Variants in DLGAP1 observed in about 807,000 individuals in gnomAD.
DLGAP1 encodes the protein DLG associated protein 1, also known as disks large-associated protein 1.
DLGAP1 carries 11 observed loss-of-function variants against 90.8 expected under a neutral mutation model. The ratio of observed to expected loss-of-function variants is 0.12; its 90% confidence interval spans 0.08 to 0.20. DLGAP1 has a LOEUF of 0.20. DLGAP1 is among the 10% of genes least tolerant of loss of function. DLGAP1 has a pLI of 1.00. For synonymous variants in DLGAP1, 558 were observed against 540.7 expected (o/e 1.03, Z -0.44); for missense variants, 1,050 against 1,333.8 (o/e 0.79, Z 3.31).
chr18:4,256,648 GT>G (rs148500834), intron 1 of DLGAP1, among the ~76,000 whole-genome samples: 16 of 151,686 alleles, frequency 1.1e-4, no homozygotes, highest in Non-Finnish European at 1.9e-4. Flanking sequence ...TGTTACATGA[GT>G]TTTTTTTAAT....
intron 1 of DLGAP1, among the ~76,000 whole-genome samples, chr18:4,218,826 TACACAC>T (rs58376566): frequency 0.018 from 2,593 of 145,816 alleles, 35 homozygotes; most frequent in Non-Finnish European, 0.025. Context: ...TATACATACA[TACACAC>T]ACACACACAC....
At chr18:4,329,180 T>C (rs969660620) in intron 1 of DLGAP1, among the ~76,000 whole-genome samples, 1 of 151,984 alleles carries the variant, frequency 6.6e-6, no homozygotes, top group Non-Finnish European at 1.5e-5. Context: ...CCAGTTTGAA[T>C]TGTTTTGTAT....
At chr18:4,229,276 C>T (rs781237362) in intron 1 of DLGAP1, among the ~76,000 whole-genome samples, 1 of 151,922 alleles carries the variant, frequency 6.6e-6, no homozygotes, top group Admixed American at 6.6e-5. Flanking sequence ...AGATGGAATA[C>T]AATCTCTATC....
At chr18:3,643,342 T>A (rs562072430) in intron 7 of DLGAP1, among the ~76,000 whole-genome samples, 4 of 152,114 alleles carry the variant, frequency 2.6e-5, no homozygotes, top group African/African-American at 9.6e-5. Context: ...AACAACTCAG[T>A]AAGAAAAAGA....
chr18:4,095,898 T>TAAA (rs1477075499), intron 2 of DLGAP1, among the ~76,000 whole-genome samples: 2 of 151,992 alleles, frequency 1.3e-5, no homozygotes, highest in East Asian at 3.9e-4. Context: ...AGGCGGAATC[T>TAAA]TCGAAGTGAT....
At chr18:3,890,658 AT>A (rs1489369204) in intron 3 of DLGAP1, among the ~76,000 whole-genome samples, 2 of 152,168 alleles carry the variant, frequency 1.3e-5, no homozygotes, top group East Asian at 1.9e-4. Flanking sequence ...TTTCTGAAAT[AT>A]TTTTTGCTGT....
chr18:3,621,810 TA>T (rs1341117520), intron 7 of DLGAP1, among the ~76,000 whole-genome samples: 2 of 152,018 alleles, frequency 1.3e-5, no homozygotes, highest in Non-Finnish European at 2.9e-5. Flanking sequence ...AAACTTAAAA[TA>T]AAAGAAATTA....
At chr18:4,169,729 A>G (rs1480434090) in intron 1 of DLGAP1, among the ~76,000 whole-genome samples, 5 of 152,244 alleles carry the variant, frequency 3.3e-5, no homozygotes, top group Admixed American at 6.5e-5. Flanking sequence ...TGTATAAATT[A>G]TGCCACACGT....
At chr18:4,099,994 A>G (rs960726360) in intron 2 of DLGAP1, among the ~76,000 whole-genome samples, 2 of 150,996 alleles carry the variant, frequency 1.3e-5, no homozygotes, top group Non-Finnish European at 2.9e-5. Flanking sequence ...CTGGGACTAC[A>G]GGTGTATGCC....
intron 1 of DLGAP1, among the ~76,000 whole-genome samples, chr18:4,177,289 T>C (rs1265412702): frequency 7.7e-6 from 1 of 129,464 alleles, no homozygotes; most frequent in East Asian, 3.8e-4. Flanking sequence ...ATTTACGCAA[T>C]ACTTAGAGTG....
chr18:3,856,632 C>T (rs1360835592), intron 4 of DLGAP1, among the ~76,000 whole-genome samples: 12 of 152,174 alleles, frequency 7.9e-5, no homozygotes, highest in South Asian at 6.2e-4. Context: ...GAGGCCGAAG[C>T]GGGCAGATCA....
chr18:4,387,930 TACACACACACACACACACACA>T (rs2082267288), intron 1 of DLGAP1, among the ~76,000 whole-genome samples: 3 of 123,258 alleles, frequency 2.4e-5, no homozygotes, highest in African/African-American at 3.1e-5. Context: ...CCATCACACA[TACACACACACACACACACACA>T]CACACACACA....
chr18:3,897,797 T>C (rs2148872814), intron 3 of DLGAP1, among the ~76,000 whole-genome samples: 1 of 143,122 alleles, frequency 7.0e-6, no homozygotes, highest in East Asian at 2.0e-4. Context: ...TTTTTTTTTT[T>C]TTTTTTTTGA....
intron 10 of DLGAP1, among the ~76,000 whole-genome samples, chr18:3,521,692 T>C (rs2051200130): frequency 6.6e-6 from 1 of 152,208 alleles, no homozygotes; most frequent in Non-Finnish European, 1.5e-5. Flanking sequence ...TTCCTCATTC[T>C]TTTCAACATG....
intron 7 of DLGAP1, among the ~76,000 whole-genome samples, chr18:3,657,434 C>T (rs2059530648): frequency 1.3e-5 from 2 of 152,074 alleles, no homozygotes; most frequent in South Asian, 2.1e-4. Context: ...TCTGGTCCAA[C>T]GTTGAGTAAG....
chr18:3,515,785 A>G (rs1179818680), intron 10 of DLGAP1, among the ~76,000 whole-genome samples: 1 of 151,604 alleles, frequency 6.6e-6, no homozygotes, highest in Non-Finnish European at 1.5e-5. Flanking sequence ...CTCAAAAAAA[A>G]AAAAAAAAAA....
At chr18:3,521,764 C>G (rs2051206875) in intron 10 of DLGAP1, among the ~76,000 whole-genome samples, 1 of 152,146 alleles carries the variant, frequency 6.6e-6, no homozygotes. Flanking sequence ...AGACTGTGCC[C>G]ATGTAACTAA....
At chr18:3,964,786 T>C (rs577314440) in intron 3 of DLGAP1, among the ~76,000 whole-genome samples, 2 of 152,198 alleles carry the variant, frequency 1.3e-5, no homozygotes, top group African/African-American at 4.8e-5. Context: ...AATCAAGGGT[T>C]TTTAAGAGGT....
chr18:3,538,758 T>A (rs2052525079), intron 9 of DLGAP1, among the ~76,000 whole-genome samples: 1 of 152,224 alleles, frequency 6.6e-6, no homozygotes, highest in Non-Finnish European at 1.5e-5. Flanking sequence ...TAGTCCCTCA[T>A]TGTTTTCAAT....
Sources: gnomAD v4.1 joint callset for allele counts (sites outside exome capture counted in the v4.1 genomes callset) on GRCh38, gnomAD v4.1.1 for gene constraint, MANE v1.5 for transcripts, NCBI Gene and HGNC (gene_info 2026-07-23, HGNC 2026-07-21) for gene names.